Variants in ZNF107 observed in about 807,000 individuals in gnomAD.
ZNF107 encodes the protein C2H2 type zinc-finger protein.
A neutral mutation model predicts 12.3 loss-of-function variants in ZNF107; 19 were observed. The ratio of observed to expected loss-of-function variants is 1.55; its 90% CI spans 1.08 to 2.27. The LOEUF (loss-of-function observed/expected upper bound fraction) is 2.27, where lower values mean the gene tolerates loss of function less well. Ranked by LOEUF, ZNF107 falls within the 30% of genes most tolerant of loss-of-function variation. The pLI is 0.00. For synonymous variants in ZNF107, 317 were observed against 330.5 expected (o/e 0.96, Z 0.44); for missense variants, 958 against 979.9 (o/e 0.98, Z 0.30).
Position 64,709,534 on chromosome 7 carries a change from A to G in ZNF107, c.*878A>G. ...AATCATACTGGTGAAAAATCCTAGA[A>G]ATGTGAAAAATATCACAAAGCCTTT... On this transcript the variant is annotated 3_prime_UTR_variant, in exon 4 of 4. Transcript: ENST00000620827. The G allele has an allele frequency of 5.4e-6, 2 of 368,266 alleles. No homozygotes were observed. The highest frequency in any genetic ancestry group is 1.0e-5 in the Non-Finnish European group (2 of 191,178). The allele number at this position is 368,266 out of a possible 1,614,324, so 22.8% of individuals were successfully genotyped here.
intron 1 of ZNF107, among the ~76,000 whole-genome samples, chr7:64,670,625 T>G (rs1789185613): frequency 6.6e-6 from 1 of 152,226 alleles, no homozygotes; most frequent in Admixed American, 6.5e-5. Context: ...TAAGTCATAA[T>G]GGGAAGGGTG....
intron 1 of ZNF107, among the ~76,000 whole-genome samples, chr7:64,681,203 G>A (rs1196215751): frequency 6.6e-6 from 1 of 151,974 alleles, no homozygotes; most frequent in Non-Finnish European, 1.5e-5. Context: ...ATGGACCTCG[G>A]GTAACTCTTA....
chr7:64,668,507 C>T (rs538617577), intron 1 of ZNF107, among the ~76,000 whole-genome samples: 7 of 151,936 alleles, frequency 4.6e-5, no homozygotes, highest in African/African-American at 1.4e-4. Context: ...TAATCAGCCC[C>T]GCCACTCCCT....
At chr7:64,693,511 T>A (rs909810247) in intron 3 of ZNF107, among the ~76,000 whole-genome samples, 4 of 151,992 alleles carry the variant, frequency 2.6e-5, no homozygotes, top group African/African-American at 9.7e-5. Flanking sequence ...GGATGCCCTC[T>A]GGGTTTGTAG....
At chr7:64,673,330 C>T (rs1277396719) in intron 1 of ZNF107, among the ~76,000 whole-genome samples, 1 of 152,242 alleles carries the variant, frequency 6.6e-6, no homozygotes, top group African/African-American at 2.4e-5. Context: ...GCATGAGCCA[C>T]CGCACCTGAC....
chr7:64,697,987 C>T (rs1209502052), intron 3 of ZNF107, among the ~76,000 whole-genome samples: 1 of 152,026 alleles, frequency 6.6e-6, no homozygotes, highest in African/African-American at 2.4e-5. Context: ...GCCGGTAAAA[C>T]ATAACATTTT....
At chr7:64,691,792 G>T in intron 2 of ZNF107, 73 bp from the exon 3 acceptor site, 1 of 793,774 alleles carries the variant, frequency 1.3e-6, no homozygotes. Flanking sequence ...CCTCTTTACT[G>T]AGCACCTTAC....
intron 1 of ZNF107, among the ~76,000 whole-genome samples, chr7:64,672,318 A>G (rs760027396): frequency 2.6e-5 from 4 of 152,014 alleles, no homozygotes; most frequent in Non-Finnish European, 5.9e-5. Flanking sequence ...TTTATGTATC[A>G]TATTTTGTTT....
rs1790716378 is a variant in ZNF107 at position 64,707,666 on chromosome 7, C to T, written c.1569C>T (p.Asn523=). The change falls in exon 4 of 4, where the codon AAC becomes AAT. Residue 523 remains asparagine (N), a synonymous_variant. Transcript: ENST00000620827. ...ACAGAGCTTTTAGCCAGTCTTCAAA[C>T]CTTACTGAACATAAGAAAATTCATA... The part of the protein sequence containing the change: ...ECDRAFSQSS[N]LTEHKKIHTG... 3.1e-6 allele frequency: 5 copies of T among 1,612,146 alleles called. No homozygotes were observed. The highest frequency in any genetic ancestry group is 2.5e-6 in the Non-Finnish European group (3 of 1,179,512).
intron 2 of ZNF107, among the ~76,000 whole-genome samples, chr7:64,691,628 C>T (rs574975113): frequency 1.3e-5 from 2 of 152,226 alleles, no homozygotes; most frequent in African/African-American, 4.8e-5. Flanking sequence ...AATTTAGTGG[C>T]ATGAAATATT....
intron 1 of ZNF107, among the ~76,000 whole-genome samples, chr7:64,674,650 G>A (rs1361400492): frequency 2.0e-5 from 3 of 152,158 alleles, no homozygotes; most frequent in Non-Finnish European, 4.4e-5. Flanking sequence ...GAATAGGAGT[G>A]GTGAGAGAAA....
At chr7:64,681,684 A>C (rs1489154176) in intron 1 of ZNF107, among the ~76,000 whole-genome samples, 1 of 151,992 alleles carries the variant, frequency 6.6e-6, no homozygotes, top group African/African-American at 2.4e-5. Flanking sequence ...CCACCCCTAA[A>C]AGGCCTAAAG....
At chr7:64,686,472 G>C in intron 1 of ZNF107, 1 of 980,794 alleles carries the variant, frequency 1.0e-6, no homozygotes, top group South Asian at 4.7e-5. Flanking sequence ...CCAATTAGGA[G>C]TCCATGCCGC....
chr7:64,684,567 C>T, intron 1 of ZNF107: 3 of 985,280 alleles, frequency 3.0e-6, no homozygotes, highest in African/African-American at 3.5e-5. Context: ...AAGTACTCTC[C>T]CCGACCTCGT....
In ZNF107 at chr7:64,707,466, G is replaced by A. The variant is rs762171201; in HGVS notation, c.1369G>A (p.Glu457Lys). The change falls in exon 4 of 4, where the codon GAA becomes AAA. Residue 457 changes from glutamate to lysine, a missense_variant. Glu to Lys is a moderately conservative substitution (Grantham distance 56). Coordinates refer to ENST00000620827, the MANE Select transcript of ZNF107 (RefSeq NM_001282359.2). ...HTAEKSYKCE[E>K]CGKAFNQHSN... ...TGCAGAGAAATCCTATAAATGTGAA[G>A]AATGTGGCAAAGCTTTTAACCAACA... The A allele has an allele frequency of 6.2e-7, 1 of 1,613,192 alleles. No individual in the cohort carries two copies. The highest frequency in any genetic ancestry group is 1.3e-5 in the African/African-American group (1 of 74,870).
intron 3 of ZNF107, among the ~76,000 whole-genome samples, chr7:64,693,165 A>ATTTTTTTTTTT (rs34734604): frequency 1.4e-3 from 152 of 110,092 alleles, no homozygotes; most frequent in Non-Finnish European, 1.8e-3. Context: ...CACTCAGCTA[A>ATTTTTTTTTTT]TTTTTTTTTT....
chr7:64,691,773 C>G (rs947957191), intron 2 of ZNF107, 92 bp from the exon 3 acceptor site: 30 of 557,548 alleles, frequency 5.4e-5, no homozygotes, highest in Non-Finnish European at 7.3e-5. Context: ...AGTATTTATT[C>G]TATTACATCC....
chr7:64,669,439 G>A (rs575533990), intron 1 of ZNF107, among the ~76,000 whole-genome samples: 10 of 152,020 alleles, frequency 6.6e-5, no homozygotes, highest in African/African-American at 1.7e-4. Context: ...TACATTTATC[G>A]TCTGAAAGAA....
chr7:64,697,068 T>G (rs1790314833), intron 3 of ZNF107, among the ~76,000 whole-genome samples: 2 of 151,492 alleles, frequency 1.3e-5, no homozygotes, highest in Admixed American at 1.3e-4. Context: ...ACATGCAGTG[T>G]TTGGTTTTTT....
Sources: gnomAD v4.1 joint callset for allele counts (sites outside exome capture counted in the v4.1 genomes callset) on GRCh38, gnomAD v4.1.1 for gene constraint, MANE v1.5 for transcripts, NCBI Gene and HGNC (gene_info 2026-07-23, HGNC 2026-07-21) for gene names.